The following PCLO variants were observed in gnomAD, a reference collection of about 807,000 sequenced individuals.
PCLO encodes protein piccolo.
Under a neutral mutation model 427.5 loss-of-function variants are expected in PCLO, and 82 were observed. That is an observed-to-expected ratio of 0.19 (90% CI 0.16 to 0.23). The LOEUF is 0.23. PCLO is among the 10% of genes least tolerant of loss of function. The pLI, the probability that PCLO is intolerant of heterozygous loss-of-function variation, is 1.00. For missense variants in PCLO, 6,239 were observed against 6,115.9 expected, an observed-to-expected ratio of 1.02 and a Z score of -0.67; for synonymous variants, 2,357 against 2,155.4, an observed-to-expected ratio of 1.09 and a Z score of -2.59.
chr7:83,055,854 A>C (rs1583964646), intron 3 of PCLO, among the ~76,000 whole-genome samples: 1 of 152,226 alleles, frequency 6.6e-6, no homozygotes, highest in East Asian at 1.9e-4. Flanking sequence ...CAAATCTAAA[A>C]ATGCTATTAT....
At chr7:83,128,633 G>C (rs1415720916) in intron 3 of PCLO, among the ~76,000 whole-genome samples, 6 of 152,020 alleles carry the variant, frequency 3.9e-5, no homozygotes, top group Admixed American at 3.9e-4. Flanking sequence ...AGAAAAGATA[G>C]AAGCAAAGAC....
At chr7:83,085,927 A>G (rs1321389200) in intron 3 of PCLO, among the ~76,000 whole-genome samples, 1 of 152,138 alleles carries the variant, frequency 6.6e-6, no homozygotes, top group Non-Finnish European at 1.5e-5. Context: ...TACTAATGCT[A>G]TAATTAATTG....
At chr7:82,864,494 G>A (rs758439349) in intron 10 of PCLO, among the ~76,000 whole-genome samples, 1 of 151,884 alleles carries the variant, frequency 6.6e-6, no homozygotes, top group Non-Finnish European at 1.5e-5. Context: ...AATTTTATTT[G>A]GACTTAATTA....
At chr7:82,921,110 T>G (rs1040680093) in intron 6 of PCLO, among the ~76,000 whole-genome samples, 9 of 151,846 alleles carry the variant, frequency 5.9e-5, no homozygotes, top group African/African-American at 1.9e-4. Flanking sequence ...TGAATATTTT[T>G]GGGAAATTAT....
chr7:82,919,821 A>G (rs957083409), intron 6 of PCLO, among the ~76,000 whole-genome samples: 5 of 151,978 alleles, frequency 3.3e-5, no homozygotes, highest in African/African-American at 1.2e-4. Flanking sequence ...GATTTTCCCT[A>G]AAATACATAA....
chr7:82,846,671 G>A (rs772334805), intron 11 of PCLO, 37 bp from the exon 12 acceptor site: 1 of 1,394,986 alleles, frequency 7.2e-7, no homozygotes, highest in African/African-American at 1.4e-5. Flanking sequence ...AAGATATTGA[G>A]GAAATCTGAG....
At chr7:82,923,801 C>T (rs1794650722) in intron 6 of PCLO, among the ~76,000 whole-genome samples, 1 of 152,042 alleles carries the variant, frequency 6.6e-6, no homozygotes, top group African/African-American at 2.4e-5. Context: ...ATGTACCAAC[C>T]ATGGCTATTT....
chr7:82,996,791 C>T (rs1275707086), intron 3 of PCLO, among the ~76,000 whole-genome samples: 2 of 151,930 alleles, frequency 1.3e-5, no homozygotes, highest in African/African-American at 4.8e-5. Flanking sequence ...CCCTTGGACT[C>T]TTAACCACTT....
In PCLO at chr7:83,072,411, T is replaced by G. The variant is rs570915118; in HGVS notation, c.3300+61839A>C. On this transcript the variant is annotated intron_variant, in intron 3 of 24. Transcript: ENST00000333891. Reference sequence around the variant, plus strand: ...TTATCCAAAATTTCTCATGTTATTTTTCTTCCTTTTGCATCTAAAATAGGA... The same window carrying G: ...TTATCCAAAATTTCTCATGTTATTTGTCTTCCTTTTGCATCTAAAATAGGA... Among the ~76,000 whole-genome samples the G allele has an allele frequency of 7.9e-5, 12 of 152,276 alleles. 1 individual carries two copies. The South Asian group carries it at 2.3e-3, about 29-fold the overall frequency.
At chr7:82,914,644 T>C in intron 7 of PCLO, 42 bp downstream of exon 7, 1 of 1,592,302 alleles carries the variant, frequency 6.3e-7, no homozygotes, top group Non-Finnish European at 8.6e-7. Context: ...AAATAAGAGT[T>C]TGAGTTTTGA....
intron 3 of PCLO, among the ~76,000 whole-genome samples, chr7:83,066,277 T>G (rs542315056): frequency 6.6e-6 from 1 of 152,262 alleles, no homozygotes; most frequent in East Asian, 1.9e-4. Flanking sequence ...TTGTATTGAT[T>G]TGAACATTTA....
At chr7:83,031,069 G>T (rs1250903688) in intron 3 of PCLO, among the ~76,000 whole-genome samples, 1 of 152,146 alleles carries the variant, frequency 6.6e-6, no homozygotes, top group Admixed American at 6.6e-5. Flanking sequence ...GATCTGGGAG[G>T]AGTCACTTAG....
chr7:82,927,767 A>G (rs1352875895), intron 6 of PCLO, among the ~76,000 whole-genome samples: 3 of 152,140 alleles, frequency 2.0e-5, no homozygotes, highest in Non-Finnish European at 4.4e-5. Context: ...AGGCACTTAT[A>G]TTGCATTCCC....
intron 9 of PCLO, among the ~76,000 whole-genome samples, chr7:82,889,934 A>C (rs1793718832): frequency 6.6e-6 from 1 of 152,000 alleles, no homozygotes; most frequent in Non-Finnish European, 1.5e-5. Context: ...AAACGCAAGA[A>C]GTAAAGGAAA....
At chr7:83,022,077 C>T (rs778999908) in intron 3 of PCLO, among the ~76,000 whole-genome samples, 1 of 152,042 alleles carries the variant, frequency 6.6e-6, no homozygotes, top group Non-Finnish European at 1.5e-5. Flanking sequence ...AGAGGTAAGG[C>T]CTTTTGTGTA....
In PCLO at chr7:82,956,084, T is replaced by A; in HGVS notation, c.4869A>T (p.Ala1623=). Residue 1623 remains alanine, a synonymous_variant, in exon 5 of 25, where the codon GCA becomes GCT. Transcript: ENST00000333891. ...CATCATGCCATGAGTGACGTCTTCC[T>A]GCATCTTCATCAATGCTTGTGCTAC... ...RKSSTSIDED[A]GRRHSWHDED... is the part of the protein sequence containing the mutation. 6.2e-7 allele frequency: 1 copy of A among 1,611,702 alleles called. No homozygotes were observed. Among genetic ancestry groups the A allele is most frequent in the South Asian group, 1.1e-5 (1 of 91,084 alleles).
chr7:83,014,161 T>C (rs555887806), intron 3 of PCLO, among the ~76,000 whole-genome samples: 1 of 152,220 alleles, frequency 6.6e-6, no homozygotes, highest in Admixed American at 6.5e-5. Context: ...ACAGTCTTCA[T>C]AGAAAGGCAA....
At chr7:83,082,339 T>A (rs1790123126) in intron 3 of PCLO, among the ~76,000 whole-genome samples, 1 of 151,752 alleles carries the variant, frequency 6.6e-6, no homozygotes, top group Non-Finnish European at 1.5e-5. Context: ...GCTAAATGGA[T>A]AACCATAGAT....
intron 10 of PCLO, among the ~76,000 whole-genome samples, chr7:82,874,205 T>G (rs1287116672): frequency 1.3e-5 from 2 of 151,938 alleles, no homozygotes; most frequent in African/African-American, 4.8e-5. Flanking sequence ...TTTCTTTATA[T>G]ATTGCTTGGA....
Sources: gnomAD v4.1 joint callset for allele counts (sites outside exome capture counted in the v4.1 genomes callset) on GRCh38, gnomAD v4.1.1 for gene constraint, MANE v1.5 for transcripts, NCBI Gene and HGNC (gene_info 2026-07-23, HGNC 2026-07-21) for gene names.